Variants in NEK6 observed in about 807,000 individuals in gnomAD.
NEK6 encodes the protein serine/threonine-protein kinase Nek6.
In NEK6, 27 loss-of-function variants were observed where a neutral mutation model predicts 43.5. The ratio of observed to expected loss-of-function variants is 0.62; its 90% CI spans 0.46 to 0.86. NEK6 has a LOEUF of 0.86. Among genes scored for constraint, NEK6 ranks in the 40% least tolerant of loss-of-function variants. The probability of loss-of-function intolerance (pLI) is 0.00; values close to 1 mark genes in which losing one functional copy is unlikely to be tolerated. For synonymous variants in NEK6, 167 were observed against 164.1 expected (o/e 1.02, Z -0.14); for missense variants, 318 against 414.4 (o/e 0.77, Z 2.02).
chr9:124,290,249 G>A (rs907458055), intron 1 of NEK6, among the ~76,000 whole-genome samples: 2 of 152,222 alleles, frequency 1.3e-5, no homozygotes, highest in African/African-American at 4.8e-5. Context: ...AAATGAGGCT[G>A]GTAACGCCCA....
chr9:124,351,337 G>C lies in NEK6; in HGVS notation c.*390G>C. 1 of 189,648 alleles carries C rather than the reference G, an allele frequency of 5.3e-6. No individual in the cohort carries two copies. The highest frequency in any genetic ancestry group is 1.1e-5 in the Non-Finnish European group (1 of 91,572). 11.7% of individuals were successfully genotyped at this position (189,648 alleles called of 1,614,324 possible). A position where few individuals can be genotyped will look rare whatever the true frequency, so the allele number is the denominator to read the frequency against. On this transcript the variant is annotated 3_prime_UTR_variant, in exon 10 of 10. Transcript: ENST00000320246. ...TGCAGGAGACCGTGTGATTTGTGTA[G>C]TGAGCCTTTGAAAATGGTTAGTACC... is the stretch of plus-strand genomic sequence containing the variant.
rs547070601 is a variant in NEK6, at chr9:124,312,646, G to A, written c.228G>A (p.Val76=). Residue 76 remains valine (V), a synonymous_variant, in exon 3 of 10, where the codon GTG becomes GTA. Coordinates refer to ENST00000320246, the MANE Select transcript of NEK6 (RefSeq NM_014397.6). ...GGAAGACAGTGGCTCTGAAGAAGGT[G>A]CAGGTGAGCTGACAACCCGTGGGGT... ...LDRKTVALKK[V]QIFEMMDAKA... 1.2e-6 allele frequency: 2 copies of A among 1,612,030 alleles called. No homozygotes were observed. The highest frequency in any genetic ancestry group is 1.7e-6 in the Non-Finnish European group (2 of 1,178,542).
intron 4 of NEK6, among the ~76,000 whole-genome samples, chr9:124,315,464 G>T (rs1449148160): frequency 2.6e-5 from 4 of 152,230 alleles, no homozygotes; most frequent in African/African-American, 9.6e-5. Context: ...AGTGGGTGAG[G>T]GAGTCAAGGC....
At chr9:124,296,385 G>C (rs148007072) in intron 1 of NEK6, among the ~76,000 whole-genome samples, 106 of 152,274 alleles carry the variant, frequency 7.0e-4, no homozygotes, top group African/African-American at 2.5e-3. Context: ...ACAGTGTCTG[G>C]CCAAGGCTGA....
At chr9:124,323,004 C>T (rs1364765824) in intron 5 of NEK6, among the ~76,000 whole-genome samples, 1 of 151,128 alleles carries the variant, frequency 6.6e-6, no homozygotes, top group Admixed American at 6.6e-5. Context: ...TCTTCCTCTC[C>T]CCCGCCCCCG....
chr9:124,349,805 T>A (rs1830153226), intron 9 of NEK6, among the ~76,000 whole-genome samples: 1 of 152,190 alleles, frequency 6.6e-6, no homozygotes, highest in African/African-American at 2.4e-5. Flanking sequence ...CACAGGCGAC[T>A]TCAGACTCCG....
At chr9:124,317,819 C>T (rs1344484853) in intron 4 of NEK6, among the ~76,000 whole-genome samples, 1 of 152,222 alleles carries the variant, frequency 6.6e-6, no homozygotes, top group African/African-American at 2.4e-5. Context: ...TAATGGCCTC[C>T]TGCTGCATCC....
rs1831604434 is a variant in NEK6 at position 124,275,185 on chromosome 9, C to T, written c.-30+17100C>T. Among the ~76,000 whole-genome samples, 1 of 152,170 alleles carries T rather than the reference C, an allele frequency of 6.6e-6. No homozygotes were observed. Among genetic ancestry groups the T allele is most frequent in the African/African-American group, 2.4e-5 (1 of 41,434 alleles). On this transcript the variant is annotated intron_variant, in intron 1 of 9. Coordinates refer to ENST00000320246, the MANE Select transcript of NEK6 (RefSeq NM_014397.6). The surrounding 1 kb of genome is among the most constrained non-coding windows in gnomAD (Gnocchi z 4.4). The stretch of plus-strand genomic sequence containing the variant: ...GAAGGCTCTGCAGCCCCCAAAGAGC[C>T]AACAGTTGGAATCCTACAGTGAATG...
rs936981210 is a variant in NEK6 at position 124,351,002 on chromosome 9, GTCTTC to G, written c.*61_*65del. The G allele has an allele frequency of 3.8e-5, 51 of 1,326,256 alleles. No homozygotes were observed. In the African/African-American group the frequency reaches 4.8e-4, roughly 12 times the overall value. 82.2% of individuals were successfully genotyped at this position (1,326,256 alleles called of 1,614,324 possible). A position where few individuals can be genotyped will look rare whatever the true frequency, so the allele number is the denominator to read the frequency against. On this transcript the variant is annotated 3_prime_UTR_variant, in exon 10 of 10. Transcript: ENST00000320246. ...AGCACCACTTTGCCTTACTTGAGTC[GTCTTC>G]TCTTCGAGTGGCCACCTGGTAGCCT...
In NEK6 at chr9:124,292,272, A is replaced by G. The variant is rs928945960; in HGVS notation, c.-29-9664A>G. 3 of 1,280,244 alleles carry G rather than the reference A, an allele frequency of 2.3e-6. No homozygotes were observed. The Admixed American group carries it at 8.8e-5, about 38-fold the overall frequency. The allele number at this position is 1,280,244 out of a possible 1,614,324, so 79.3% of individuals were successfully genotyped here. ...TGCTGGTGGGGCTGCCCATTCAGCC[A>G]GTCCCACCAACCTGACAGGACCTTT... On this transcript the variant is annotated intron_variant, in intron 1 of 9. Transcript: ENST00000320246.
chr9:124,308,236 A>G (rs930162898), intron 2 of NEK6, among the ~76,000 whole-genome samples: 5 of 152,164 alleles, frequency 3.3e-5, no homozygotes, highest in African/African-American at 1.2e-4. Context: ...GAGTCTCAAC[A>G]TCAGAGCCAG....
intron 2 of NEK6, among the ~76,000 whole-genome samples, chr9:124,303,226 GTGT>G (rs565412494): frequency 3.8e-4 from 58 of 152,322 alleles, no homozygotes; most frequent in African/African-American, 1.3e-3. Flanking sequence ...CTCTTATATG[GTGT>G]TGGCTTTTTC....
intron 1 of NEK6, among the ~76,000 whole-genome samples, chr9:124,271,384 G>A (rs959724495): frequency 6.6e-6 from 1 of 152,212 alleles, no homozygotes; most frequent in African/African-American, 2.4e-5. Context: ...AAATGGGGAG[G>A]CTCAGCACCC....
At chr9:124,305,763 T>C (rs1260017641) in intron 2 of NEK6, among the ~76,000 whole-genome samples, 1 of 152,014 alleles carries the variant, frequency 6.6e-6, no homozygotes, top group Non-Finnish European at 1.5e-5. Flanking sequence ...GCCCAGAGAA[T>C]GGGGAGGCCA....
chr9:124,351,614 T>A lies in NEK6; in HGVS notation c.*667T>A, dbSNP rs1289087679. ...GGGCCATCTTCTCCTGGACACCTGCTGTGTACCAGGAACTTCGTCACCTCC... is the reference window on the plus strand; with the variant it reads ...GGGCCATCTTCTCCTGGACACCTGCAGTGTACCAGGAACTTCGTCACCTCC... On this transcript the variant is annotated 3_prime_UTR_variant, in exon 10 of 10. Transcript: ENST00000320246. 6.6e-6 allele frequency: 1 copy of A among 152,276 alleles called. No individual in the cohort carries two copies. The highest frequency in any genetic ancestry group is 6.5e-5 in the Admixed American group (1 of 15,280). The allele number at this position is 152,276 out of a possible 1,614,324, so 9.4% of individuals were successfully genotyped here.
intron 5 of NEK6, 89 bp downstream of exon 5, chr9:124,321,658 T>A: frequency 1.1e-6 from 1 of 894,090 alleles, no homozygotes; most frequent in Non-Finnish European, 1.8e-6. Context: ...CCCACAATGC[T>A]CTGCCTTTAG....
chr9:124,311,251 C>A (rs1045098079), intron 2 of NEK6, among the ~76,000 whole-genome samples: 6 of 152,202 alleles, frequency 3.9e-5, no homozygotes, highest in African/African-American at 1.4e-4. Context: ...TCAGTGTGAC[C>A]CTCACCAAAG....
rs551109717 is a variant in NEK6 at position 124,308,611 on chromosome 9, G to A, written c.91-3898G>A. 4.0e-3 allele frequency among the ~76,000 whole-genome samples: 600 copies of A among 150,842 alleles called. 1 individual carries two copies. The highest frequency in any genetic ancestry group is 6.1e-3 in the Non-Finnish European group (413 of 67,886). ...GCGGAGATTGCAATGAGCCGAGATCGCGCCACAGCGCTCCAGCCTGGGTGA... is the reference window on the plus strand; with the variant it reads ...GCGGAGATTGCAATGAGCCGAGATCACGCCACAGCGCTCCAGCCTGGGTGA... On this transcript the variant is annotated intron_variant, in intron 2 of 9. Transcript: ENST00000320246.
intron 1 of NEK6, chr9:124,292,185 GC>G (rs1291999720): frequency 8.0e-7 from 1 of 1,257,364 alleles, no homozygotes; most frequent in African/African-American, 1.5e-5. Flanking sequence ...GACCTCCAGG[GC>G]TGGAGCTCCA....
Sources: gnomAD v4.1 joint callset for allele counts (sites outside exome capture counted in the v4.1 genomes callset) on GRCh38, gnomAD v4.1.1 for gene constraint, Gnocchi (gnomAD v3.1) non-coding constraint, MANE v1.5 for transcripts, NCBI Gene and HGNC (gene_info 2026-07-23, HGNC 2026-07-21) for gene names.